Variants in CSMD3 observed in about 807,000 individuals in gnomAD.
The protein encoded by CSMD3 is CUB and Sushi multiple domains 3.
A neutral mutation model predicts 435.2 loss-of-function variants in CSMD3; 177 were observed. That is an observed-to-expected ratio of 0.41 (90% confidence interval 0.36 to 0.46). The LOEUF (loss-of-function observed/expected upper bound fraction) is 0.46, where lower values mean the gene tolerates loss of function less well. CSMD3 is among the 20% of genes least tolerant of loss of function. The probability of loss-of-function intolerance (pLI) is 0.34; values close to 1 mark genes in which losing one functional copy is unlikely to be tolerated. For synonymous variants in CSMD3, 1,656 were observed against 1,520.5 expected (o/e 1.09, Z -2.07); for missense variants, 4,265 against 4,504.6 (o/e 0.95, Z 1.52).
At chr8:113,321,996 T>G (rs1431348918) in intron 1 of CSMD3, among the ~76,000 whole-genome samples, 1 of 152,176 alleles carries the variant, frequency 6.6e-6, no homozygotes, top group African/African-American at 2.4e-5. Context: ...TGTTTTAAAT[T>G]TTTTAATATA....
intron 32 of CSMD3, among the ~76,000 whole-genome samples, chr8:112,442,056 G>T (rs1477137491): frequency 6.6e-6 from 1 of 152,200 alleles, no homozygotes; most frequent in African/African-American, 2.4e-5. Context: ...TCATGGATCT[G>T]TAGGTTAGAA....
At chr8:112,740,783 A>G (rs2132053060) in intron 13 of CSMD3, among the ~76,000 whole-genome samples, 1 of 151,982 alleles carries the variant, frequency 6.6e-6, no homozygotes, top group South Asian at 2.1e-4. Flanking sequence ...GGAGTAGTAT[A>G]AGTTCTTCAC....
intron 28 of CSMD3, among the ~76,000 whole-genome samples, chr8:112,508,668 C>T (rs1822782242): frequency 1.3e-5 from 2 of 152,286 alleles, no homozygotes; most frequent in African/African-American, 2.4e-5. Context: ...GAAAAAAAAG[C>T]CTTTTCATCT....
intron 13 of CSMD3, among the ~76,000 whole-genome samples, chr8:112,799,532 G>A (rs2078911915): frequency 6.6e-6 from 1 of 151,876 alleles, no homozygotes; most frequent in African/African-American, 2.4e-5. Context: ...TTTCTAATAT[G>A]CACATTGTGT....
intron 47 of CSMD3, among the ~76,000 whole-genome samples, chr8:112,318,417 G>GT (rs1258162562): frequency 6.6e-6 from 1 of 151,926 alleles, no homozygotes; most frequent in Non-Finnish European, 1.5e-5. Flanking sequence ...CTGCTTGTTT[G>GT]TTTTTTCCTT....
chr8:113,149,281 A>G (rs1182192311), intron 4 of CSMD3, among the ~76,000 whole-genome samples: 1 of 151,896 alleles, frequency 6.6e-6, no homozygotes, highest in Non-Finnish European at 1.5e-5. Flanking sequence ...CATTATTGCC[A>G]CAGCCAAATT....
intron 3 of CSMD3, among the ~76,000 whole-genome samples, chr8:113,269,074 A>C (rs2093496682): frequency 6.6e-6 from 1 of 152,140 alleles, no homozygotes; most frequent in Non-Finnish European, 1.5e-5. Context: ...AAATGTGTTT[A>C]ATACATATAT....
chr8:112,960,415 T>C (rs2084184238), intron 7 of CSMD3, among the ~76,000 whole-genome samples: 1 of 151,776 alleles, frequency 6.6e-6, no homozygotes, highest in South Asian at 2.1e-4. Context: ...GAGAAAACAA[T>C]ACATCTTATA....
At chr8:112,767,889 T>C (rs2078018642) in intron 13 of CSMD3, among the ~76,000 whole-genome samples, 1 of 151,814 alleles carries the variant, frequency 6.6e-6, no homozygotes, top group Non-Finnish European at 1.5e-5. Context: ...AAGCCTTTTA[T>C]ATCTCTGAAT....
At chr8:112,559,688 C>G (rs1828440271) in intron 24 of CSMD3, among the ~76,000 whole-genome samples, 1 of 151,800 alleles carries the variant, frequency 6.6e-6, no homozygotes, top group Non-Finnish European at 1.5e-5. Context: ...TCTGAAGGAA[C>G]TGGAAAAGGA....
At chr8:112,684,282 T>C (rs192059015) in intron 15 of CSMD3, among the ~76,000 whole-genome samples, 7 of 152,200 alleles carry the variant, frequency 4.6e-5, no homozygotes, top group Non-Finnish European at 1.0e-4. Context: ...ATGTCACCGC[T>C]AATTTAACTT....
chr8:113,066,577 C>G (rs1588002735), intron 5 of CSMD3, among the ~76,000 whole-genome samples: 4 of 152,102 alleles, frequency 2.6e-5, no homozygotes, highest in South Asian at 4.2e-4. Context: ...TTCCAGCTCT[C>G]AATACATCAG....
chr8:113,171,664 A>G (rs1410545286), intron 4 of CSMD3, among the ~76,000 whole-genome samples: 6 of 152,302 alleles, frequency 3.9e-5, no homozygotes, highest in African/African-American at 1.2e-4. Flanking sequence ...TGATGTATCA[A>G]AAAGGTAACA....
chr8:113,156,934 AAG>A (rs58581247), intron 4 of CSMD3, among the ~76,000 whole-genome samples: 17,510 of 147,352 alleles, frequency 0.12, 1,035 homozygotes, highest in Middle Eastern at 0.16. Context: ...TTTGTCTCAA[AAG>A]AGAGAGAGAG....
chr8:112,982,995 CA>C (rs997368014), intron 6 of CSMD3, among the ~76,000 whole-genome samples: 2 of 151,938 alleles, frequency 1.3e-5, no homozygotes, highest in African/African-American at 4.8e-5. Flanking sequence ...ATCCGACACA[CA>C]GAAATTACTT....
At chr8:113,277,610 T>G (rs2093581552) in intron 3 of CSMD3, among the ~76,000 whole-genome samples, 1 of 151,954 alleles carries the variant, frequency 6.6e-6, no homozygotes, top group African/African-American at 2.4e-5. Context: ...TATTATATGG[T>G]TTAGAAATTA....
chr8:112,895,247 T>C (rs1016285257), intron 10 of CSMD3, among the ~76,000 whole-genome samples: 7 of 151,370 alleles, frequency 4.6e-5, no homozygotes, highest in Non-Finnish European at 1.0e-4. Flanking sequence ...AGCATAATTA[T>C]TTTAAAAAAT....
intron 13 of CSMD3, among the ~76,000 whole-genome samples, chr8:112,726,269 C>T (rs2076962646): frequency 6.6e-6 from 1 of 151,830 alleles, no homozygotes; most frequent in Non-Finnish European, 1.5e-5. Context: ...AAAGCATAAC[C>T]ATATCAATTT....
At chr8:113,308,512 C>T (rs151258225) in intron 2 of CSMD3, among the ~76,000 whole-genome samples, 327 of 152,194 alleles carry the variant, frequency 2.1e-3, no homozygotes, top group African/African-American at 7.6e-3. Context: ...TCGTGATCCG[C>T]CTGCCTCGGC....
Sources: gnomAD v4.1 joint callset for allele counts (sites outside exome capture counted in the v4.1 genomes callset) on GRCh38, gnomAD v4.1.1 for gene constraint, MANE v1.5 for transcripts, NCBI Gene and HGNC (gene_info 2026-07-23, HGNC 2026-07-21) for gene names.